The following DTNB variants were observed in gnomAD, a reference collection of about 807,000 sequenced individuals.
DTNB encodes DTN-B.
In DTNB, 63 loss-of-function variants were observed where a neutral mutation model predicts 90.7. The observed-to-expected ratio is 0.69, with a 90% CI of 0.57 to 0.86. The LOEUF (loss-of-function observed/expected upper bound fraction) is 0.86. DTNB is among the 40% of genes least tolerant of loss of function. The pLI, the probability that DTNB is intolerant of heterozygous loss-of-function variation, is 0.00. For missense variants in DTNB, 744 were observed against 807.1 expected, an observed-to-expected ratio of 0.92 and a Z score of 0.95; for synonymous variants, 277 against 286.7, an observed-to-expected ratio of 0.97 and a Z score of 0.34.
chr2:25,405,262 G>C (rs1281077659), intron 16 of DTNB, among the ~76,000 whole-genome samples: 1 of 152,070 alleles, frequency 6.6e-6, no homozygotes, highest in African/African-American at 2.4e-5. Flanking sequence ...ATGTTCTGGC[G>C]GGGTGTGGTG....
At chr2:25,526,396 T>TATATATATATATATA (rs1491443224) in intron 9 of DTNB, among the ~76,000 whole-genome samples, 2 of 34,950 alleles carry the variant, frequency 5.7e-5, no homozygotes, top group African/African-American at 3.3e-4. Context: ...TATATATATA[T>TATATATATATATATA]TTTTTTTTTT....
intron 8 of DTNB, among the ~76,000 whole-genome samples, chr2:25,568,358 G>A (rs1468996035): frequency 2.0e-5 from 3 of 152,014 alleles, no homozygotes; most frequent in African/African-American, 7.2e-5. Flanking sequence ...AGGAGCTTGG[G>A]AGGGAGGGAA....
At chr2:25,459,760 C>G (rs1428568786) in intron 10 of DTNB, among the ~76,000 whole-genome samples, 2 of 151,944 alleles carry the variant, frequency 1.3e-5, no homozygotes, top group African/African-American at 4.8e-5. Flanking sequence ...TCCCAAAGTG[C>G]TGGGATTACA....
At chr2:25,479,404 C>G (rs1437752260) in intron 10 of DTNB, among the ~76,000 whole-genome samples, 1 of 152,042 alleles carries the variant, frequency 6.6e-6, no homozygotes, top group East Asian at 1.9e-4. Context: ...GTATTTTAAG[C>G]CTATGTTTTA....
At chr2:25,479,820 T>C (rs562386267) in intron 10 of DTNB, among the ~76,000 whole-genome samples, 10 of 152,352 alleles carry the variant, frequency 6.6e-5, no homozygotes, top group Non-Finnish European at 1.2e-4. Context: ...TGCATGTTGT[T>C]GTCTCATTCA....
At chr2:25,514,385 A>G (rs1320039922) in intron 9 of DTNB, among the ~76,000 whole-genome samples, 2 of 152,180 alleles carry the variant, frequency 1.3e-5, no homozygotes, top group Non-Finnish European at 2.9e-5. Flanking sequence ...CAGGAAATAA[A>G]GTTAGAGAGG....
At chr2:25,445,477 A>G (rs1314426548) in intron 12 of DTNB, among the ~76,000 whole-genome samples, 1 of 152,256 alleles carries the variant, frequency 6.6e-6, no homozygotes, top group Non-Finnish European at 1.5e-5. Flanking sequence ...GGAGAAACAA[A>G]GCAAGAATTC....
intron 1 of DTNB, among the ~76,000 whole-genome samples, chr2:25,663,891 G>C (rs1039831882): frequency 6.6e-6 from 1 of 152,154 alleles, no homozygotes; most frequent in Non-Finnish European, 1.5e-5. Flanking sequence ...AGAAGAACAA[G>C]AGTTTATGAC....
chr2:25,479,418 C>A (rs1002285091), intron 10 of DTNB, among the ~76,000 whole-genome samples: 1 of 152,032 alleles, frequency 6.6e-6, no homozygotes, highest in Admixed American at 6.5e-5. Context: ...TGTTTTAAAG[C>A]CTTGAAAAGT....
intron 9 of DTNB, among the ~76,000 whole-genome samples, chr2:25,502,687 T>A (rs189738716): frequency 1.3e-5 from 2 of 151,592 alleles, no homozygotes; most frequent in East Asian, 1.9e-4. Context: ...ATGGAGACCA[T>A]CCTGGCTAAC....
chr2:25,582,709 A>G (rs2061733277), intron 6 of DTNB, among the ~76,000 whole-genome samples: 1 of 152,186 alleles, frequency 6.6e-6, no homozygotes, highest in African/African-American at 2.4e-5. Context: ...GGGCCTCTAC[A>G]CATCATGAGC....
At chr2:25,561,250 C>A (rs1270897092) in intron 8 of DTNB, among the ~76,000 whole-genome samples, 5 of 152,150 alleles carry the variant, frequency 3.3e-5, no homozygotes, top group African/African-American at 4.8e-5. Flanking sequence ...TCAACACCCC[C>A]CTCCTTGCCA....
intron 9 of DTNB, among the ~76,000 whole-genome samples, chr2:25,494,083 G>A (rs1029148465): frequency 6.6e-6 from 1 of 152,216 alleles, no homozygotes; most frequent in Admixed American, 6.5e-5. Flanking sequence ...TGGGGAGGTT[G>A]TGGGGGGAAG....
intron 1 of DTNB, among the ~76,000 whole-genome samples, chr2:25,658,055 G>A (rs112942307): frequency 0.024 from 3,574 of 151,898 alleles, 50 homozygotes; most frequent in African/African-American, 0.042. Context: ...TCAGGAGTTC[G>A]AGACCAGCCT....
At chr2:25,412,769 G>A (rs2149737437) in intron 16 of DTNB, among the ~76,000 whole-genome samples, 1 of 152,310 alleles carries the variant, frequency 6.6e-6, no homozygotes, top group Non-Finnish European at 1.5e-5. Flanking sequence ...ATGGTGCACT[G>A]AGTCACTGGG....
At chr2:25,640,062 G>C (rs2077925673) in intron 2 of DTNB, among the ~76,000 whole-genome samples, 1 of 152,228 alleles carries the variant, frequency 6.6e-6, no homozygotes, top group South Asian at 2.1e-4. Flanking sequence ...ACGCTGTTCT[G>C]AGTCTAGACC....
intron 9 of DTNB, among the ~76,000 whole-genome samples, chr2:25,505,726 G>A (rs1217641282): frequency 1.3e-5 from 2 of 151,530 alleles, no homozygotes; most frequent in African/African-American, 4.9e-5. Context: ...AAATTTAAAA[G>A]CACAAAAATT....
chr2:25,435,537 T>TA (rs2055452207), intron 12 of DTNB, among the ~76,000 whole-genome samples: 1 of 152,246 alleles, frequency 6.6e-6, no homozygotes, highest in Non-Finnish European at 1.5e-5. Flanking sequence ...AAAATGTTTT[T>TA]AAAGTTCACC....
intron 4 of DTNB, among the ~76,000 whole-genome samples, chr2:25,623,732 T>C (rs1160653004): frequency 6.6e-6 from 1 of 152,196 alleles, no homozygotes; most frequent in Non-Finnish European, 1.5e-5. Flanking sequence ...TTTTGCTATA[T>C]AATGTTCAGC....
Sources: allele counts gnomAD v4.1 joint callset (sites outside exome capture counted in the v4.1 genomes callset), GRCh38; gene constraint gnomAD v4.1.1; transcripts MANE v1.5; gene names NCBI Gene and HGNC (gene_info 2026-07-23, HGNC 2026-07-21).